The following BTRC variants were observed in gnomAD, a reference collection of about 807,000 sequenced individuals.
The protein encoded by BTRC is F-box/WD repeat-containing protein 1A.
A neutral mutation model predicts 85.5 loss-of-function variants in BTRC; 42 were observed. That is an observed-to-expected ratio of 0.49 (90% CI 0.38 to 0.64). The LOEUF is 0.64. Among genes scored for constraint, BTRC ranks in the 30% least tolerant of loss-of-function variants. The pLI, the probability that BTRC is intolerant of heterozygous loss-of-function variation, is 0.00. For synonymous variants in BTRC, 255 were observed against 263.3 expected (o/e 0.97, Z 0.30); for missense variants, 594 against 743.5 (o/e 0.80, Z 2.34).
chr10:101,520,553 G>A (rs1331998140), intron 4 of BTRC, among the ~76,000 whole-genome samples: 2 of 152,172 alleles, frequency 1.3e-5, no homozygotes, highest in Admixed American at 1.3e-4. Flanking sequence ...ATGGAAAAAG[G>A]TAAATTGAGC....
intron 2 of BTRC, among the ~76,000 whole-genome samples, chr10:101,435,536 T>G (rs1944505963): frequency 6.6e-6 from 1 of 152,226 alleles, no homozygotes; most frequent in South Asian, 2.1e-4. Flanking sequence ...GTAGTTCTCT[T>G]TTATTGTTAA....
At chr10:101,503,388 A>G (rs1564811132) in intron 4 of BTRC, among the ~76,000 whole-genome samples, 1 of 152,230 alleles carries the variant, frequency 6.6e-6, no homozygotes, top group Non-Finnish European at 1.5e-5. Context: ...AAAACTGTTC[A>G]GCTTATATAA....
chr10:101,493,637 A>G (rs986123571), intron 4 of BTRC, among the ~76,000 whole-genome samples: 9 of 152,246 alleles, frequency 5.9e-5, no homozygotes, highest in Admixed American at 2.0e-4. Context: ...TCGCAGAAGT[A>G]TGCAAATTGG....
intron 2 of BTRC, among the ~76,000 whole-genome samples, chr10:101,443,550 G>C (rs1200964572): frequency 6.6e-6 from 1 of 152,090 alleles, no homozygotes; most frequent in East Asian, 1.9e-4. Flanking sequence ...CATTTAAAAC[G>C]ATCACTTTCC....
At chr10:101,529,216 A>G (rs2062245047) in intron 6 of BTRC, among the ~76,000 whole-genome samples, 1 of 152,214 alleles carries the variant, frequency 6.6e-6, no homozygotes, top group South Asian at 2.1e-4. Context: ...AAACATAAAG[A>G]CAGAAGCCAG....
chr10:101,368,495 T>A (rs1015434060), intron 1 of BTRC, among the ~76,000 whole-genome samples: 2 of 62,570 alleles, frequency 3.2e-5, no homozygotes, highest in African/African-American at 1.2e-4. Context: ...TTTTTTTTTT[T>A]TAGAGACAGG....
intron 4 of BTRC, among the ~76,000 whole-genome samples, chr10:101,505,492 C>T (rs1220397718): frequency 2.6e-5 from 4 of 151,646 alleles, no homozygotes; most frequent in African/African-American, 4.8e-5. Flanking sequence ...TGGTGGCAGG[C>T]GCCTGTAGTC....
chr10:101,422,945 A>G (rs1481436919), intron 1 of BTRC, among the ~76,000 whole-genome samples: 1 of 152,110 alleles, frequency 6.6e-6, no homozygotes, highest in South Asian at 2.1e-4. Flanking sequence ...TTGACTTGGC[A>G]ATGCGGGCTC....
intron 4 of BTRC, among the ~76,000 whole-genome samples, chr10:101,493,559 T>C (rs1946187038): frequency 6.6e-6 from 1 of 152,228 alleles, no homozygotes; most frequent in Middle Eastern, 3.2e-3. Flanking sequence ...GGGGGGATTA[T>C]CTAAAACATT....
chr10:101,475,953 A>ATATATATATATATATATATT lies in BTRC; in HGVS notation c.235-3414_235-3413insATATATATATATATATATTT, dbSNP rs1265691229. On this transcript the variant is annotated intron_variant, in intron 3 of 14. Coordinates refer to ENST00000370187, the MANE Select transcript of BTRC (RefSeq NM_033637.4). ...TATATATATATATATATATATATAT[A>ATATATATATATATATATATT]TTCAGTAATTCCTAAGGGGAAAATA... 4.2e-3 allele frequency among the ~76,000 whole-genome samples: 561 copies of ATATATATATATATATATATT among 133,608 alleles called. 26 individuals are homozygous for ATATATATATATATATATATT. The highest frequency in any genetic ancestry group is 0.012 in the African/African-American group (417 of 33,824). 87.7% of individuals were successfully genotyped at this position (133,608 alleles called of 152,430 possible).
At chr10:101,371,930 A>G (rs532508949) in intron 1 of BTRC, among the ~76,000 whole-genome samples, 2 of 152,250 alleles carry the variant, frequency 1.3e-5, no homozygotes, top group South Asian at 2.1e-4. Flanking sequence ...CCCAATCGTC[A>G]TGCTTACAAA....
chr10:101,387,862 G>T (rs1169211358), intron 1 of BTRC, among the ~76,000 whole-genome samples: 1 of 151,734 alleles, frequency 6.6e-6, no homozygotes, highest in Admixed American at 6.6e-5. Context: ...GCTAATTTTT[G>T]TATTTTTAGG....
intron 1 of BTRC, among the ~76,000 whole-genome samples, chr10:101,405,412 T>G (rs1318315488): frequency 6.6e-6 from 1 of 152,152 alleles, no homozygotes; most frequent in African/African-American, 2.4e-5. Context: ...TAGCAAGAAC[T>G]TTAAAGAAAA....
chr10:101,466,845 TCCC>T, intron 3 of BTRC, among the ~76,000 whole-genome samples: 1 of 152,170 alleles, frequency 6.6e-6, no homozygotes. Flanking sequence ...TCTACCATAT[TCCC>T]CTCCCCTGAA....
At chr10:101,419,404 G>C (rs1215633306) in intron 1 of BTRC, among the ~76,000 whole-genome samples, 1 of 152,138 alleles carries the variant, frequency 6.6e-6, no homozygotes, top group African/African-American at 2.4e-5. Context: ...AATCAAGGTG[G>C]TGTCTAGGGC....
chr10:101,440,202 T>C (rs1487647603), intron 2 of BTRC, among the ~76,000 whole-genome samples: 2 of 152,198 alleles, frequency 1.3e-5, no homozygotes, highest in African/African-American at 4.8e-5. Context: ...AAATGAGTTT[T>C]CTATTATGTT....
At chr10:101,436,311 G>C (rs1564771368) in intron 2 of BTRC, among the ~76,000 whole-genome samples, 1 of 152,124 alleles carries the variant, frequency 6.6e-6, no homozygotes, top group Non-Finnish European at 1.5e-5. Context: ...TTTTGCTTTA[G>C]ATATTGAAAG....
chr10:101,368,496 T>A (rs1333410624), intron 1 of BTRC, among the ~76,000 whole-genome samples: 1 of 84,676 alleles, frequency 1.2e-5, no homozygotes, highest in Non-Finnish European at 2.2e-5. Flanking sequence ...TTTTTTTTTT[T>A]AGAGACAGGG....
chr10:101,521,814 A>G lies in BTRC; in HGVS notation c.500A>G (p.His167Arg), dbSNP rs767091762. The G allele has an allele frequency of 1.2e-6, 2 of 1,614,094 alleles. No individual in the cohort carries two copies. Among genetic ancestry groups the G allele is most frequent in the Non-Finnish European group, 1.7e-6 (2 of 1,179,972 alleles). Residue 167 changes from histidine (H) to arginine (R), a missense_variant, in exon 5 of 15, where the codon CAC (histidine) becomes CGC (arginine). By Grantham distance (29) the His-to-Arg change is conservative. Around this residue, in one of 4 missense-constraint regions of BTRC, gnomAD observed 373 missense variants for 503.6 expected, o/e 0.74. Transcript: ENST00000370187. ...CAAATGTGTCATTACCAACATGGGC[A>G]CATAAACTCGTATCTTAAACCTATG... ...ISQMCHYQHG[H>R]INSYLKPMLQ...
Sources: allele counts gnomAD v4.1 joint callset (sites outside exome capture counted in the v4.1 genomes callset), GRCh38; gene constraint gnomAD v4.1.1; regional missense constraint gnomAD v4.1.1; transcripts MANE v1.5; gene names NCBI Gene and HGNC (gene_info 2026-07-23, HGNC 2026-07-21).